ADGRL3: variants seen among roughly 807,000 people sequenced by gnomAD.
The protein encoded by ADGRL3 is adhesion G protein-coupled receptor L3.
Under a neutral mutation model 153.5 loss-of-function variants are expected in ADGRL3, and 62 were observed. The observed-to-expected ratio is 0.40, with a 90% CI of 0.33 to 0.50. ADGRL3 has a LOEUF of 0.50. Ranked by LOEUF, ADGRL3 falls within the 20% of genes least tolerant of loss-of-function variation. ADGRL3 has a pLI of 0.47. For missense variants in ADGRL3, 1,641 were observed against 1,859.4 expected, an observed-to-expected ratio of 0.88 and a Z score of 2.16; for synonymous variants, 710 against 672.5, an observed-to-expected ratio of 1.06 and a Z score of -0.86.
intron 9 of ADGRL3, among the ~76,000 whole-genome samples, chr4:61,844,222 A>G (rs185845911): frequency 6.6e-6 from 1 of 151,978 alleles, no homozygotes; most frequent in African/African-American, 2.4e-5. Flanking sequence ...ATAGCAGTCA[A>G]AAAAGGGTTT....
At chr4:62,014,780 T>G (rs1172092196) in intron 21 of ADGRL3, among the ~76,000 whole-genome samples, 3 of 152,144 alleles carry the variant, frequency 2.0e-5, no homozygotes, top group Non-Finnish European at 4.4e-5. Context: ...GATCACTGAT[T>G]AGCAAATTAA....
intron 2 of ADGRL3, among the ~76,000 whole-genome samples, chr4:61,442,564 G>A (rs1476217325): frequency 3.3e-5 from 5 of 152,032 alleles, no homozygotes; most frequent in Admixed American, 2.6e-4. Flanking sequence ...GACTGGGAGA[G>A]GTAATAAGAG....
intron 2 of ADGRL3, among the ~76,000 whole-genome samples, chr4:61,426,382 A>G (rs1308069950): frequency 6.6e-6 from 1 of 152,202 alleles, no homozygotes; most frequent in African/African-American, 2.4e-5. Flanking sequence ...CTGGACCGCA[A>G]CAGCAGTCCA....
intron 2 of ADGRL3, among the ~76,000 whole-genome samples, chr4:61,396,282 A>G (rs1350860474): frequency 1.3e-5 from 2 of 151,926 alleles, no homozygotes; most frequent in Non-Finnish European, 2.9e-5. Flanking sequence ...TTTATGTTTA[A>G]TATATTTAGA....
chr4:61,701,316 G>A (rs1037879957), intron 6 of ADGRL3, among the ~76,000 whole-genome samples: 1 of 151,862 alleles, frequency 6.6e-6, no homozygotes, highest in African/African-American at 2.4e-5. Flanking sequence ...TCTCAAAGTA[G>A]GTTATATGGA....
chr4:61,564,173 G>A (rs1163846214), intron 4 of ADGRL3, among the ~76,000 whole-genome samples: 1 of 151,884 alleles, frequency 6.6e-6, no homozygotes, highest in African/African-American at 2.4e-5. Flanking sequence ...TGGCTGTTTT[G>A]ACTTTTTTTT....
At chr4:61,378,390 C>A (rs1409302864) in intron 1 of ADGRL3, among the ~76,000 whole-genome samples, 1 of 151,992 alleles carries the variant, frequency 6.6e-6, no homozygotes. Context: ...TTTCTTGGGG[C>A]CATTGGCTAA....
At chr4:61,265,174 C>T (rs1455890603) in intron 1 of ADGRL3, among the ~76,000 whole-genome samples, 9 of 151,914 alleles carry the variant, frequency 5.9e-5, no homozygotes, top group Admixed American at 5.9e-4. Context: ...ATTGTATCAA[C>T]TTGAGTAATA....
intron 9 of ADGRL3, among the ~76,000 whole-genome samples, chr4:61,879,011 T>A (rs1581264932): frequency 6.6e-6 from 1 of 152,204 alleles, no homozygotes; most frequent in Non-Finnish European, 1.5e-5. Flanking sequence ...AAAAGATTGT[T>A]ATATTCTTTA....
At chr4:61,764,389 G>A (rs2096950151) in intron 8 of ADGRL3, among the ~76,000 whole-genome samples, 1 of 150,262 alleles carries the variant, frequency 6.7e-6, no homozygotes. Context: ...CAGTCCAAGG[G>A]GGTTTGTTCT....
chr4:61,638,031 A>G (rs2150122059), intron 5 of ADGRL3, among the ~76,000 whole-genome samples: 1 of 152,268 alleles, frequency 6.6e-6, no homozygotes, highest in East Asian at 1.9e-4. Context: ...TGTAATTTGA[A>G]TCCTAAGTAT....
chr4:61,747,556 T>G (rs1294379425), intron 8 of ADGRL3, among the ~76,000 whole-genome samples: 1 of 145,444 alleles, frequency 6.9e-6, no homozygotes, highest in Non-Finnish European at 1.5e-5. Flanking sequence ...GTTCAATATA[T>G]GCAAATCAAT....
At chr4:61,926,476 A>G (rs1339576194) in intron 13 of ADGRL3, among the ~76,000 whole-genome samples, 7 of 152,122 alleles carry the variant, frequency 4.6e-5, no homozygotes, top group Admixed American at 4.6e-4. Flanking sequence ...CATTTTAAAT[A>G]TCTTTGGAAT....
chr4:61,440,290 C>T (rs181558611), intron 2 of ADGRL3, among the ~76,000 whole-genome samples: 36 of 152,212 alleles, frequency 2.4e-4, no homozygotes, highest in Admixed American at 1.2e-3. Flanking sequence ...CCTCATGATC[C>T]GCCTGCCTTG....
At chr4:61,835,540 C>CT (rs1561329045) in intron 9 of ADGRL3, among the ~76,000 whole-genome samples, 1 of 152,022 alleles carries the variant, frequency 6.6e-6, no homozygotes, top group Non-Finnish European at 1.5e-5. Context: ...TCCTTTTAAA[C>CT]TTTTATTATC....
intron 1 of ADGRL3, among the ~76,000 whole-genome samples, chr4:61,352,126 A>G (rs888692483): frequency 1.3e-5 from 2 of 152,232 alleles, no homozygotes; most frequent in Admixed American, 6.5e-5. Context: ...GTTGAGTCCA[A>G]CCCTCATGGA....
chr4:62,068,061 C>CT (rs1743955084), intron 25 of ADGRL3, 105 bp from the exon 26 acceptor site: 3 of 666,946 alleles, frequency 4.5e-6, no homozygotes, highest in Non-Finnish European at 7.4e-6. Context: ...TCCTTTGACT[C>CT]TTTTTTCTGC....
chr4:61,242,192 T>G (rs562772883), intron 1 of ADGRL3, among the ~76,000 whole-genome samples: 3 of 152,072 alleles, frequency 2.0e-5, no homozygotes, highest in Non-Finnish European at 4.4e-5. Flanking sequence ...TGTATTTGCT[T>G]GATCATCTGT....
intron 1 of ADGRL3, among the ~76,000 whole-genome samples, chr4:61,262,542 C>T (rs1560398805): frequency 6.6e-6 from 1 of 152,136 alleles, no homozygotes; most frequent in African/African-American, 2.4e-5. Context: ...GTATCTTTTA[C>T]TCACCCGGGC....
Sources: gnomAD v4.1 joint callset for allele counts (sites outside exome capture counted in the v4.1 genomes callset) on GRCh38, gnomAD v4.1.1 for gene constraint, MANE v1.5 for transcripts, NCBI Gene and HGNC (gene_info 2026-07-23, HGNC 2026-07-21) for gene names.